Variants in APPL2 observed in about 807,000 individuals in gnomAD.
The protein encoded by APPL2 is adaptor protein, phosphotyrosine interacting with PH domain and leucine zipper 2.
Under a neutral mutation model 92.7 loss-of-function variants are expected in APPL2, and 84 were observed. That is an observed-to-expected ratio of 0.91 (90% CI 0.76 to 1.09). The LOEUF is 1.09. APPL2 is among the 50% of genes least tolerant of loss of function. The pLI, the probability that APPL2 is intolerant of heterozygous loss-of-function variation, is 0.00. For missense variants in APPL2, 736 were observed against 824.5 expected (o/e 0.89, Z 1.31); for synonymous variants, 291 against 291.0 (o/e 1.00, Z 0.00).
intron 17 of APPL2, among the ~76,000 whole-genome samples, chr12:105,187,618 ATAAAAT>A (rs1886844473): frequency 6.6e-6 from 1 of 152,248 alleles, no homozygotes; most frequent in Non-Finnish European, 1.5e-5. Context: ...AAAGTAACAG[ATAAAAT>A]TAATTTTACT....
intron 2 of APPL2, among the ~76,000 whole-genome samples, chr12:105,227,782 C>A (rs572061584): frequency 2.0e-4 from 30 of 152,286 alleles, no homozygotes; most frequent in Non-Finnish European, 3.7e-4. Flanking sequence ...CCATCAGAAT[C>A]CTTAAGTCTC....
At chr12:105,191,271 G>A (rs934465943) in intron 14 of APPL2, among the ~76,000 whole-genome samples, 2 of 152,186 alleles carry the variant, frequency 1.3e-5, no homozygotes, top group African/African-American at 4.8e-5. Flanking sequence ...TGGAGAAATT[G>A]AGCAGTTTTG....
chr12:105,235,823 C>G (rs955244188), intron 1 of APPL2, 136 bp downstream of exon 1: 21 of 594,614 alleles, frequency 3.5e-5, no homozygotes, highest in Non-Finnish European at 4.8e-6. Context: ...CGAGAGAACC[C>G]GGTGGGAGGC....
intron 17 of APPL2, among the ~76,000 whole-genome samples, chr12:105,186,193 GCTT>G (rs1886594150): frequency 6.6e-6 from 1 of 152,028 alleles, no homozygotes; most frequent in South Asian, 2.1e-4. Context: ...TTGGATTTCA[GCTT>G]TTTTTTCAGA....
intron 4 of APPL2, among the ~76,000 whole-genome samples, chr12:105,214,400 G>A (rs1214743229): frequency 2.0e-5 from 3 of 152,028 alleles, no homozygotes. Flanking sequence ...ATTGCTTCTC[G>A]CCCTGGGTTA....
intron 16 of APPL2, 66 bp downstream of exon 16, chr12:105,189,706 C>G: frequency 6.6e-7 from 1 of 1,504,080 alleles, no homozygotes; most frequent in Non-Finnish European, 9.3e-7. Flanking sequence ...GATTTCACAT[C>G]TTATTTCAAT....
At chr12:105,227,797 C>A (rs1239335510) in intron 2 of APPL2, among the ~76,000 whole-genome samples, 2 of 152,148 alleles carry the variant, frequency 1.3e-5, no homozygotes, top group Non-Finnish European at 2.9e-5. Flanking sequence ...AGTCTCCCAA[C>A]CAATACCATA....
At chr12:105,187,307 C>T (rs957893733) in intron 17 of APPL2, among the ~76,000 whole-genome samples, 7 of 152,174 alleles carry the variant, frequency 4.6e-5, no homozygotes, top group Non-Finnish European at 1.0e-4. Flanking sequence ...TTGAAGCTAA[C>T]GTTCATTGAG....
intron 1 of APPL2, among the ~76,000 whole-genome samples, chr12:105,231,989 CCACGGTCAGAAAGA>C (rs1001969284): frequency 4.4e-4 from 67 of 152,272 alleles, no homozygotes; most frequent in African/African-American, 1.0e-3. Context: ...GCTCAAAATC[CCACGGTCAGAAAGA>C]CACGGTCAGA....
intron 7 of APPL2, 75 bp from the exon 8 acceptor site, chr12:105,207,282 ATG>A: frequency 7.1e-7 from 1 of 1,399,620 alleles, no homozygotes; most frequent in South Asian, 1.4e-5. Flanking sequence ...GTGCTTCAAA[ATG>A]TGTGTTTATG....
chr12:105,230,562 T>C (rs1388554021), intron 1 of APPL2, among the ~76,000 whole-genome samples: 3 of 152,266 alleles, frequency 2.0e-5, no homozygotes, highest in Non-Finnish European at 4.4e-5. Context: ...CTAAGGCTCA[T>C]TATTTCCCTG....
intron 1 of APPL2, among the ~76,000 whole-genome samples, chr12:105,230,629 G>C (rs1019233212): frequency 6.6e-6 from 1 of 152,150 alleles, no homozygotes; most frequent in African/African-American, 2.4e-5. Context: ...TAAAGGAACA[G>C]TAACTGACCC....
chr12:105,203,730 A>C lies in APPL2; in HGVS notation c.677T>G (p.Leu226Ter). ...EMFSKRMDSF[L>*]SSVADMVQSI... ...TTGAACCATGTCTGCAACGGAGGAT[A>C]AAAAGCTGTCCATACGTTTGGAAAA... The change falls in exon 9 of 21, where the codon TTA becomes TGA. Residue 226 changes from leucine to a stop codon, truncating the protein, a stop_gained. Coordinates refer to ENST00000258530, the MANE Select transcript of APPL2 (RefSeq NM_018171.5). LOFTEE classifies it high-confidence loss of function. 6.2e-7 allele frequency: 1 copy of C among 1,614,182 alleles called. No homozygotes were observed. The highest frequency in any genetic ancestry group is 8.5e-7 in the Non-Finnish European group (1 of 1,179,990).
intron 16 of APPL2, among the ~76,000 whole-genome samples, chr12:105,189,509 A>G (rs1224233747): frequency 1.3e-5 from 2 of 152,240 alleles, no homozygotes; most frequent in African/African-American, 4.8e-5. Context: ...GTGATAACAG[A>G]TTCAGATTTC....
At chr12:105,211,159 C>T (rs989611280) in intron 5 of APPL2, 71 bp downstream of exon 5, 1 of 1,075,930 alleles carries the variant, frequency 9.3e-7, no homozygotes, top group Non-Finnish European at 1.4e-6. Flanking sequence ...GAAAGAAATG[C>T]AGTAAGAATT....
At chr12:105,198,237 T>C (rs1296656244) in intron 10 of APPL2, among the ~76,000 whole-genome samples, 1 of 152,128 alleles carries the variant, frequency 6.6e-6, no homozygotes, top group South Asian at 2.1e-4. Context: ...GAGATGCAAC[T>C]AGAATGAGTC....
At chr12:105,205,607 A>G (rs548668440) in intron 8 of APPL2, among the ~76,000 whole-genome samples, 1 of 152,332 alleles carries the variant, frequency 6.6e-6, no homozygotes, top group African/African-American at 2.4e-5. Context: ...GCACTGACCG[A>G]TCAGGACCAG....
At chr12:105,212,118 C>CAAAAAAA (rs5800657) in intron 4 of APPL2, among the ~76,000 whole-genome samples, 3 of 72,386 alleles carry the variant, frequency 4.1e-5, no homozygotes, top group Non-Finnish European at 7.4e-5. Context: ...GACTCCATCT[C>CAAAAAAA]AAAAAAAAAA....
At position 105,181,953 on chromosome 12, in the gene APPL2, C is replaced by CT. The variant is rs915038546; in HGVS notation, c.1635-4692dup. Among the ~76,000 whole-genome samples the CT allele has an allele frequency of 4.6e-4, 70 of 152,258 alleles. 2 individuals carry two copies. The highest frequency in any genetic ancestry group is 4.3e-3 in the Admixed American group (65 of 15,288). ...GATTTTTGAAGGGTTTTTCGTGTCT[C>CT]TATCTCCTTCAGTTCTGCTCTCATC... On this transcript the variant is annotated intron_variant, in intron 17 of 20. Transcript: ENST00000258530.
Sources: allele counts gnomAD v4.1 joint callset (sites outside exome capture counted in the v4.1 genomes callset), GRCh38; gene constraint gnomAD v4.1.1; transcripts MANE v1.5; gene names NCBI Gene and HGNC (gene_info 2026-07-23, HGNC 2026-07-21).